Variants in RSF1 observed in about 807,000 individuals in gnomAD.
RSF1 encodes the protein remodeling and spacing factor 1, also known as HBV pX-associated protein 8.
In RSF1, 13 loss-of-function variants were observed where a neutral mutation model predicts 145.2. That is an observed-to-expected ratio of 0.09 (90% confidence interval 0.06 to 0.14). The LOEUF is 0.14. Among genes scored for constraint, RSF1 ranks in the 10% least tolerant of loss-of-function variants. RSF1 has a pLI of 1.00. For missense variants in RSF1, 1,517 were observed against 1,718.2 expected (o/e 0.88, Z 2.07); for synonymous variants, 577 against 592.6 (o/e 0.97, Z 0.38).
In RSF1 at chr11:77,700,354, A is replaced by C. The variant is rs1960387306; in HGVS notation, c.2508+367T>G. On this transcript the variant is annotated intron_variant, in intron 6 of 15. Transcript: ENST00000308488. ...GACAGAGCAAGACTGTCTCACAAAA[A>C]AAAAAAAAAAAAAAAAAAAAAAAGA... Among the ~76,000 whole-genome samples, 9 of 147,784 alleles carry C rather than the reference A, an allele frequency of 6.1e-5. No homozygotes were observed. In the South Asian group the frequency reaches 1.9e-3, roughly 31 times the overall value.
intron 15 of RSF1, among the ~76,000 whole-genome samples, chr11:77,671,528 T>C (rs1959549691): frequency 6.6e-6 from 1 of 152,012 alleles, no homozygotes; most frequent in Non-Finnish European, 1.5e-5. Context: ...AAATTTAAAT[T>C]ACAATGGAGA....
chr11:77,730,054 A>G (rs1961164869), intron 4 of RSF1, among the ~76,000 whole-genome samples: 1 of 152,070 alleles, frequency 6.6e-6, no homozygotes, highest in African/African-American at 2.4e-5. Flanking sequence ...TTTTATATTA[A>G]TTAGTTCATA....
At chr11:77,723,497 G>C (rs574665) in intron 5 of RSF1, among the ~76,000 whole-genome samples, 6 of 152,112 alleles carry the variant, frequency 3.9e-5, no homozygotes, top group Non-Finnish European at 7.3e-5. Flanking sequence ...AAAGTAGTCT[G>C]TAAGTTTAAT....
At chr11:77,865,257 T>A in the RSF1 span, among the ~76,000 whole-genome samples, 1 of 152,184 alleles carries the variant, frequency 6.6e-6, no homozygotes, top group Non-Finnish European at 1.5e-5. Flanking sequence ...ATCTCAAAAT[T>A]CAGTAGCATA....
At chr11:77,708,626 A>G (rs772444397) in intron 5 of RSF1, among the ~76,000 whole-genome samples, 1 of 152,218 alleles carries the variant, frequency 6.6e-6, no homozygotes, top group East Asian at 1.9e-4. Context: ...CAAGACAGAA[A>G]CAAGAATAAA....
Position 77,667,502 on chromosome 11 carries a change from C to T in RSF1, c.3752-11G>A. On this transcript the variant is annotated splice_polypyrimidine_tract_variant and intron_variant, in intron 15 of 15. Coordinates refer to ENST00000308488, the MANE Select transcript of RSF1 (RefSeq NM_016578.4). ...TGGACAAATAGCTCTCTAGAATAAA[C>T]AGCACATTTAAGCCATTGGCACGGT... The T allele has an allele frequency of 6.3e-7, 1 of 1,598,568 alleles. No homozygotes were observed. The highest frequency in any genetic ancestry group is 8.5e-7 in the Non-Finnish European group (1 of 1,173,608).
At chr11:77,843,557 T>C in the RSF1 span, among the ~76,000 whole-genome samples, 2 of 152,202 alleles carry the variant, frequency 1.3e-5, no homozygotes, top group African/African-American at 4.8e-5. Context: ...GGCATTTATC[T>C]TGACGCCTCC....
At chr11:77,768,837 C>T (rs1288844504) in intron 1 of RSF1, among the ~76,000 whole-genome samples, 3 of 152,126 alleles carry the variant, frequency 2.0e-5, no homozygotes, top group South Asian at 2.1e-4. Context: ...TTCTTTAAAA[C>T]GGCACTGTCT....
intron 4 of RSF1, among the ~76,000 whole-genome samples, chr11:77,740,282 G>A (rs1176919218): frequency 6.6e-6 from 1 of 152,238 alleles, no homozygotes; most frequent in African/African-American, 2.4e-5. Context: ...GGCTGAGGCA[G>A]GAGAATTGCT....
upstream of RSF1, among the ~76,000 whole-genome samples, chr11:77,825,601 T>G (rs892082127): frequency 6.6e-6 from 1 of 152,182 alleles, no homozygotes; most frequent in African/African-American, 2.4e-5. Context: ...CCAACCATTT[T>G]CTGGATATTT....
chr11:77,693,570 G>A lies in RSF1; in HGVS notation c.2757C>T (p.Ala919=). Residue 919 remains alanine (A), a synonymous_variant, in exon 8 of 16, where the codon GCC becomes GCT. Transcript: ENST00000308488. ...TGATCATCAGAGGAGGGCGAAGGCAGGCAGTATGGTATCCACTATCGCAAG... is the reference window on the plus strand; with the variant it reads ...TGATCATCAGAGGAGGGCGAAGGCAAGCAGTATGGTATCCACTATCGCAAG... ...CDSCDSGYHT[A]CLRPPLMIIP... 1 of 1,613,930 alleles carries A rather than the reference G, an allele frequency of 6.2e-7. No individual in the cohort carries two copies. Among genetic ancestry groups the A allele is most frequent in the East Asian group, 2.2e-5 (1 of 44,872 alleles).
intron 1 of RSF1, among the ~76,000 whole-genome samples, chr11:77,772,628 A>C (rs935389834): frequency 2.0e-5 from 3 of 152,150 alleles, no homozygotes; most frequent in African/African-American, 7.2e-5. Flanking sequence ...TGAATTTGTC[A>C]TTCATAATTG....
the RSF1 span, among the ~76,000 whole-genome samples, chr11:77,832,766 C>T: frequency 6.6e-6 from 1 of 151,056 alleles, no homozygotes; most frequent in Non-Finnish European, 1.5e-5. Flanking sequence ...TTTTGTATAC[C>T]CAGGCTTATA....
chr11:77,690,114 A>T (rs1565149226), intron 9 of RSF1, among the ~76,000 whole-genome samples: 1 of 149,732 alleles, frequency 6.7e-6, no homozygotes, highest in Non-Finnish European at 1.5e-5. Flanking sequence ...ATGAGCCGAG[A>T]CTGTGCCACT....
intron 1 of RSF1, among the ~76,000 whole-genome samples, chr11:77,812,426 C>T (rs994487722): frequency 6.6e-6 from 1 of 152,268 alleles, no homozygotes; most frequent in East Asian, 1.9e-4. Context: ...AAATTAAATA[C>T]AGACTCAACC....
chr11:77,802,507 C>T (rs933604785), intron 1 of RSF1, among the ~76,000 whole-genome samples: 1 of 152,126 alleles, frequency 6.6e-6, no homozygotes, highest in Non-Finnish European at 1.5e-5. Flanking sequence ...ATAGAAGGAA[C>T]AAATTTTCAT....
At chr11:77,675,315 AGAGTTCT>A (rs1959672953) in intron 13 of RSF1, 59 bp from the exon 14 acceptor site, 1 of 1,382,892 alleles carries the variant, frequency 7.2e-7, no homozygotes, top group Admixed American at 2.2e-5. Flanking sequence ...CCCATTTTTA[AGAGTTCT>A]GAGTTCAAAT....
upstream of RSF1, among the ~76,000 whole-genome samples, chr11:77,824,292 A>G (rs1415844467): frequency 4.6e-5 from 7 of 152,236 alleles, no homozygotes; most frequent in Non-Finnish European, 7.3e-5. Context: ...AAAAAAGAGT[A>G]GCTATTTTTA....
chr11:77,715,883 C>T lies in RSF1; in HGVS notation c.733+9662G>A, dbSNP rs559477580. On this transcript the variant is annotated intron_variant, in intron 5 of 15. Coordinates refer to ENST00000308488, the MANE Select transcript of RSF1 (RefSeq NM_016578.4). The stretch of plus-strand genomic sequence containing the variant: ...CCTCAACATGCTGGGCTCAAGCCTG[C>T]ATCAGCCTCCCCAGTAGCTGGGACC... Among the ~76,000 whole-genome samples the T allele has an allele frequency of 4.6e-5, 7 of 152,346 alleles. No individual in the cohort carries two copies. In the South Asian group the frequency reaches 1.0e-3, roughly 23 times the overall value.
Sources: gnomAD v4.1 joint callset for allele counts (sites outside exome capture counted in the v4.1 genomes callset) on GRCh38, gnomAD v4.1.1 for gene constraint, MANE v1.5 for transcripts, NCBI Gene and HGNC (gene_info 2026-07-23, HGNC 2026-07-21) for gene names.